JPH3: variants seen among roughly 807,000 people sequenced by gnomAD.
JPH3 encodes the protein junctophilin 3, also known as junctophilin-3.
In JPH3, 11 loss-of-function variants were observed where a neutral mutation model predicts 59.6. That is an observed-to-expected ratio of 0.18 (90% CI 0.12 to 0.31). The LOEUF (loss-of-function observed/expected upper bound fraction) is 0.31. JPH3 is among the 10% of genes least tolerant of loss of function. The pLI is 1.00. For synonymous variants in JPH3, 673 were observed against 483.6 expected (o/e 1.39, Z -5.14); for missense variants, 1,202 against 1,105.7 (o/e 1.09, Z -1.24).
chr16:87,695,335 C>A (rs749711779), intron 4 of JPH3: 1 of 456,072 alleles, frequency 2.2e-6, no homozygotes, highest in South Asian at 1.5e-5. Context: ...AGTCTGTTAA[C>A]AGGGAGGGGG....
intron 3 of JPH3, among the ~76,000 whole-genome samples, chr16:87,684,880 GTGT>G (rs2033379673): frequency 1.3e-5 from 2 of 151,102 alleles, no homozygotes; most frequent in Non-Finnish European, 3.0e-5. Flanking sequence ...GGCGTGGAGG[GTGT>G]GGGGTGGGTG....
intron 2 of JPH3, among the ~76,000 whole-genome samples, chr16:87,682,864 G>A (rs1349437396): frequency 6.6e-6 from 1 of 152,240 alleles, no homozygotes; most frequent in African/African-American, 2.4e-5. Context: ...ACACCAGGTA[G>A]GAAGAAATGC....
At chr16:87,604,360 C>A (rs1265891937) in intron 1 of JPH3, 1 of 1,447,276 alleles carries the variant, frequency 6.9e-7, no homozygotes, top group Non-Finnish European at 9.2e-7. Context: ...GAACCTTGGC[C>A]GGCTCTGCAG....
chr16:87,688,919 C>T (rs942083871), intron 3 of JPH3, among the ~76,000 whole-genome samples: 10 of 152,198 alleles, frequency 6.6e-5, no homozygotes, highest in East Asian at 1.9e-4. Flanking sequence ...CACGGAGCTC[C>T]GGAGAAGTCT....
chr16:87,635,692 C>T (rs2031717595), intron 1 of JPH3, among the ~76,000 whole-genome samples: 1 of 152,226 alleles, frequency 6.6e-6, no homozygotes, highest in Non-Finnish European at 1.5e-5. Context: ...GGCCTCATCT[C>T]ATCCGCTCTC....
chr16:87,615,637 A>G (rs1311601709), intron 1 of JPH3, among the ~76,000 whole-genome samples: 1 of 152,200 alleles, frequency 6.6e-6, no homozygotes, highest in Non-Finnish European at 1.5e-5. Flanking sequence ...ACGAGTCTCA[A>G]ACTCTGTGCG....
chr16:87,691,943 C>T (rs1358360490), intron 4 of JPH3, among the ~76,000 whole-genome samples: 1 of 152,106 alleles, frequency 6.6e-6, no homozygotes, highest in Non-Finnish European at 1.5e-5. Flanking sequence ...AATGCACTGA[C>T]ACTTTTGGGT....
At chr16:87,658,848 G>GC (rs1201100416) in intron 2 of JPH3, among the ~76,000 whole-genome samples, 2 of 152,194 alleles carry the variant, frequency 1.3e-5, no homozygotes, top group African/African-American at 2.4e-5. Context: ...GGGGTGGGTG[G>GC]CCCCCCAGCC....
Position 87,644,870 on chromosome 16 carries a change from C to A in JPH3, c.995C>A (p.Thr332Asn). The A allele has an allele frequency of 6.2e-7, 1 of 1,613,400 alleles. No homozygotes were observed. The highest frequency in any genetic ancestry group is 1.3e-5 in the African/African-American group (1 of 74,982). Residue 332 changes from threonine (T) to asparagine (N), a missense_variant, in exon 2 of 5, where the codon ACC becomes AAC. Transcript: ENST00000284262. ...GYGCMTFPDG[T>N]KEEGKYKQNI... ...GGCTGCATGACCTTCCCGGACGGCA[C>A]CAAGGAGGAGGGCAAGTACAAGCAG...
chr16:87,659,136 G>A (rs111881835), intron 2 of JPH3, among the ~76,000 whole-genome samples: 1 of 152,028 alleles, frequency 6.6e-6, no homozygotes, highest in East Asian at 1.9e-4. Flanking sequence ...CCCTTTGGGA[G>A]GCCAAAGCAG....
chr16:87,673,101 G>A (rs111612413), intron 2 of JPH3, among the ~76,000 whole-genome samples: 12,399 of 151,676 alleles, frequency 0.082, 616 homozygotes, highest in South Asian at 0.15. Context: ...GGCCGAGATC[G>A]CACCGTTGCA....
rs965954536 is a variant in JPH3, at chr16:87,628,201, G to A, written c.383-16057G>A. On this transcript the variant is annotated intron_variant, in intron 1 of 4. Transcript: ENST00000284262. ...CCAGCAGGACGCCCAGGTCTCCTGAGCCTGTGCGTCTGATCTGCTCACCTG... is the reference window on the plus strand; with the variant it reads ...CCAGCAGGACGCCCAGGTCTCCTGAACCTGTGCGTCTGATCTGCTCACCTG... Among the ~76,000 whole-genome samples, 3 of 152,388 alleles carry A rather than the reference G, an allele frequency of 2.0e-5. No individual in the cohort carries two copies. The South Asian group carries it at 6.2e-4, about 32-fold the overall frequency.
chr16:87,639,310 A>G (rs1235694042), intron 1 of JPH3, among the ~76,000 whole-genome samples: 1 of 151,658 alleles, frequency 6.6e-6, no homozygotes, highest in Non-Finnish European at 1.5e-5. Flanking sequence ...TTCGAACTCA[A>G]GTCTGTCTGA....
chr16:87,614,786 G>A (rs541276498), intron 1 of JPH3, among the ~76,000 whole-genome samples: 3 of 139,804 alleles, frequency 2.1e-5, no homozygotes, highest in Admixed American at 7.4e-5. Context: ...GAGGAGCCGC[G>A]TGTCCTCTCC....
At chr16:87,652,211 G>A (rs1301723847) in intron 2 of JPH3, among the ~76,000 whole-genome samples, 2 of 152,036 alleles carry the variant, frequency 1.3e-5, no homozygotes, top group Non-Finnish European at 2.9e-5. Flanking sequence ...TCCTGACCTC[G>A]AGATCCGCCC....
At chr16:87,680,780 C>T (rs1050013315) in intron 2 of JPH3, among the ~76,000 whole-genome samples, 1 of 152,252 alleles carries the variant, frequency 6.6e-6, no homozygotes, top group Non-Finnish European at 1.5e-5. Context: ...GTCTCCTCCT[C>T]CATGACGTGC....
intron 1 of JPH3, among the ~76,000 whole-genome samples, chr16:87,614,420 T>A (rs1446457947): frequency 6.8e-6 from 1 of 147,922 alleles, no homozygotes; most frequent in Non-Finnish European, 1.5e-5. Flanking sequence ...TAAAGGCAGG[T>A]CCCTGTTCAC....
chr16:87,629,684 G>C (rs574693171), intron 1 of JPH3, among the ~76,000 whole-genome samples: 3 of 152,026 alleles, frequency 2.0e-5, no homozygotes, highest in Non-Finnish European at 2.9e-5. Context: ...CCAGGGTTGG[G>C]GGGGAGGGAG....
At chr16:87,642,580 T>C (rs576900964) in intron 1 of JPH3, among the ~76,000 whole-genome samples, 1 of 152,350 alleles carries the variant, frequency 6.6e-6, no homozygotes, top group Non-Finnish European at 1.5e-5. Flanking sequence ...TGTGCCACCG[T>C]GAGTTGGAAG....
Sources: gnomAD v4.1 joint callset for allele counts (sites outside exome capture counted in the v4.1 genomes callset) on GRCh38, gnomAD v4.1.1 for gene constraint, MANE v1.5 for transcripts, NCBI Gene and HGNC (gene_info 2026-07-23, HGNC 2026-07-21) for gene names.